Variants in RANBP2 observed in about 807,000 individuals in gnomAD.
RANBP2 encodes E3 SUMO-protein ligase RanBP2.
Under a neutral mutation model 303.6 loss-of-function variants are expected in RANBP2, and 57 were observed. That is an observed-to-expected ratio of 0.19 (90% CI 0.15 to 0.23). The LOEUF (loss-of-function observed/expected upper bound fraction) is 0.23, where lower values mean the gene tolerates loss of function less well. RANBP2 is among the 10% of genes least tolerant of loss of function. The probability of loss-of-function intolerance (pLI) is 1.00; values close to 1 mark genes in which losing one functional copy is unlikely to be tolerated. For missense variants in RANBP2, 3,138 were observed against 3,780.8 expected, an observed-to-expected ratio of 0.83 and a Z score of 4.46; for synonymous variants, 1,167 against 1,301.5, an observed-to-expected ratio of 0.90 and a Z score of 2.23.
At chr2:108,907,889 T>C in the RANBP2 span, 5 of 1,613,504 alleles carry the variant, frequency 3.1e-6, no homozygotes, top group East Asian at 1.1e-4. Context: ...GTGGCAGACT[T>C]CTCCCTGGCC....
the RANBP2 span, among the ~76,000 whole-genome samples, chr2:109,221,756 TG>T: frequency 1.3e-5 from 2 of 152,006 alleles, no homozygotes; most frequent in African/African-American, 2.4e-5. Context: ...ATACTATTGG[TG>T]GGAACATAAA....
the RANBP2 span, among the ~76,000 whole-genome samples, chr2:109,342,948 A>C: frequency 6.6e-6 from 1 of 151,806 alleles, no homozygotes; most frequent in Non-Finnish European, 1.5e-5. Flanking sequence ...TTTTTCTTTT[A>C]TTTCTTTTTC....
chr2:108,773,771 C>A (rs1044920815), intron 23 of RANBP2, among the ~76,000 whole-genome samples: 2 of 152,160 alleles, frequency 1.3e-5, no homozygotes, highest in South Asian at 2.1e-4. Context: ...CTCAGCCTCC[C>A]AAGCAGCTGG....
At chr2:109,194,659 G>T in the RANBP2 span, among the ~76,000 whole-genome samples, 1 of 152,196 alleles carries the variant, frequency 6.6e-6, no homozygotes, top group Non-Finnish European at 1.5e-5. Context: ...GATGGGTTTG[G>T]TGATCAGCAG....
chr2:109,286,924 A>G, the RANBP2 span, among the ~76,000 whole-genome samples: 11 of 152,216 alleles, frequency 7.2e-5, no homozygotes, highest in African/African-American at 2.7e-4. Flanking sequence ...ATCTGAAAAG[A>G]CAGTGAGCAT....
At chr2:109,234,316 T>C in the RANBP2 span, among the ~76,000 whole-genome samples, 3 of 152,226 alleles carry the variant, frequency 2.0e-5, no homozygotes, top group African/African-American at 7.2e-5. Flanking sequence ...AACTTTAGGT[T>C]AGATGAAGTG....
At chr2:109,675,507 C>A in the RANBP2 span, among the ~76,000 whole-genome samples, 2 of 152,018 alleles carry the variant, frequency 1.3e-5, no homozygotes, top group Non-Finnish European at 2.9e-5. Flanking sequence ...CATAGTGAAA[C>A]CCCGTCTCTA....
At chr2:109,721,509 G>C in the RANBP2 span, among the ~76,000 whole-genome samples, 2 of 152,162 alleles carry the variant, frequency 1.3e-5, no homozygotes, top group Admixed American at 1.3e-4. Flanking sequence ...AATTCGCTCA[G>C]AAGGTGCCTT....
chr2:108,853,871 A>G, the RANBP2 span, among the ~76,000 whole-genome samples: 7 of 125,140 alleles, frequency 5.6e-5, no homozygotes, highest in Non-Finnish European at 4.8e-5. Context: ...TAATATATAT[A>G]CTATATAATA....
the RANBP2 span, among the ~76,000 whole-genome samples, chr2:109,365,005 C>A: frequency 6.6e-6 from 1 of 152,070 alleles, no homozygotes; most frequent in East Asian, 1.9e-4. Context: ...GCAGAAGGAT[C>A]GTGAGACTCT....
At chr2:109,471,474 G>A in the RANBP2 span, among the ~76,000 whole-genome samples, 2,376 of 152,236 alleles carry the variant, frequency 0.016, 66 homozygotes, top group African/African-American at 0.054. Flanking sequence ...AACTGCCCCC[G>A]TGATCTAGTC....
At chr2:109,353,767 A>G in the RANBP2 span, among the ~76,000 whole-genome samples, 1 of 152,258 alleles carries the variant, frequency 6.6e-6, no homozygotes, top group African/African-American at 2.4e-5. Context: ...AAGACGAGAG[A>G]GTCTCCCCTG....
chr2:109,085,736 G>C, the RANBP2 span, among the ~76,000 whole-genome samples: 2 of 151,948 alleles, frequency 1.3e-5, no homozygotes, highest in Admixed American at 6.5e-5. Context: ...AAGTAGCTGG[G>C]ATTACAGGCA....
At chr2:109,346,175 C>G in the RANBP2 span, among the ~76,000 whole-genome samples, 1 of 152,130 alleles carries the variant, frequency 6.6e-6, no homozygotes, top group Non-Finnish European at 1.5e-5. Flanking sequence ...TTATTGGAAG[C>G]AAACGGATTT....
chr2:109,300,111 T>G, the RANBP2 span, among the ~76,000 whole-genome samples: 4 of 152,286 alleles, frequency 2.6e-5, no homozygotes, highest in South Asian at 6.2e-4. Context: ...GGTGGACATT[T>G]GATGACAGCT....
the RANBP2 span, among the ~76,000 whole-genome samples, chr2:109,563,121 G>C: frequency 1.3e-5 from 2 of 152,228 alleles, no homozygotes; most frequent in African/African-American, 4.8e-5. Flanking sequence ...ATGTTGGCCA[G>C]GCTGGTCTTG....
chr2:108,755,658 G>A (rs1269192781), intron 17 of RANBP2, among the ~76,000 whole-genome samples: 1 of 152,026 alleles, frequency 6.6e-6, no homozygotes, highest in African/African-American at 2.4e-5. Flanking sequence ...CTCCCAAAGT[G>A]CTGGGATTGC....
chr2:108,991,555 G>A, the RANBP2 span, among the ~76,000 whole-genome samples: 6 of 152,180 alleles, frequency 3.9e-5, no homozygotes, highest in Admixed American at 6.5e-5. Context: ...ATAACAGCCC[G>A]GCCAGCCACC....
At chr2:108,941,591 G>A in the RANBP2 span, among the ~76,000 whole-genome samples, 4 of 152,080 alleles carry the variant, frequency 2.6e-5, 1 homozygote, top group East Asian at 1.9e-4. Flanking sequence ...TGGCCAACAG[G>A]GAAGAGTAGA....
Sources: allele counts gnomAD v4.1 joint callset (sites outside exome capture counted in the v4.1 genomes callset), GRCh38; gene constraint gnomAD v4.1.1; transcripts MANE v1.5; gene names NCBI Gene and HGNC (gene_info 2026-07-23, HGNC 2026-07-21).